The following VPS33A variants were observed in gnomAD, a reference collection of about 807,000 sequenced individuals.
The protein encoded by VPS33A is vacuolar protein sorting-associated protein 33A.
In VPS33A, 32 loss-of-function variants were observed where a neutral mutation model predicts 71.8. That is an observed-to-expected ratio of 0.45 (90% CI 0.34 to 0.60). The LOEUF is 0.60. Among genes scored for constraint, VPS33A ranks in the 20% least tolerant of loss-of-function variants. The probability of loss-of-function intolerance (pLI) is 0.02; values close to 1 mark genes in which losing one functional copy is unlikely to be tolerated. For missense variants in VPS33A, 625 were observed against 748.5 expected (o/e 0.84, Z 1.92); for synonymous variants, 311 against 292.7 (o/e 1.06, Z -0.64).
At chr12:122,264,550 C>G (rs1051599624) in intron 1 of VPS33A, among the ~76,000 whole-genome samples, 1 of 152,032 alleles carries the variant, frequency 6.6e-6, no homozygotes, top group Non-Finnish European at 1.5e-5. Flanking sequence ...ACCACCATGC[C>G]TGGCCAATTT....
rs185289906 is a variant in VPS33A, at chr12:122,252,481, C to T, written c.484-1382G>A. 3.2e-4 allele frequency among the ~76,000 whole-genome samples: 49 copies of T among 151,972 alleles called. No homozygotes were observed. In the East Asian group the frequency reaches 4.3e-3, roughly 13 times the overall value. ...GAGACGGGGTTTCACCATGTTAGCC[C>T]TGATGGTCTCGATCTCCTGACCTCG... is the stretch of plus-strand genomic sequence containing the variant. On this transcript the variant is annotated intron_variant, in intron 4 of 12. Transcript: ENST00000267199.
rs569328578 is a variant in VPS33A, at chr12:122,229,985, G to C, written c.*2261C>G. 8 of 151,946 alleles carry C rather than the reference G, an allele frequency of 5.3e-5. No individual in the cohort carries two copies. Among genetic ancestry groups the C allele is most frequent in the Non-Finnish European group, 1.2e-4 (8 of 67,968 alleles). The allele number at this position is 151,946 out of a possible 1,614,324, so 9.4% of individuals were successfully genotyped here. A position where few individuals can be genotyped will look rare whatever the true frequency, so the allele number is the denominator to read the frequency against. On this transcript the variant is annotated 3_prime_UTR_variant, in exon 13 of 13. Coordinates refer to ENST00000267199, the MANE Select transcript of VPS33A (RefSeq NM_022916.6). ...TTGACCAGACTTGAATTGAGCCCCAGGAACCAAAAAATGGAGGGGCAGGGT... is the reference window on the plus strand; with the variant it reads ...TTGACCAGACTTGAATTGAGCCCCACGAACCAAAAAATGGAGGGGCAGGGT...
At chr12:122,233,219 G>A (rs934597448) in intron 11 of VPS33A, among the ~76,000 whole-genome samples, 5 of 146,162 alleles carry the variant, frequency 3.4e-5, no homozygotes, top group Admixed American at 2.7e-4. Flanking sequence ...TATTTGGTTT[G>A]GCATGAAACT....
chr12:122,261,496 G>C, intron 3 of VPS33A, 49 bp from the exon 4 acceptor site: 1 of 1,589,580 alleles, frequency 6.3e-7, no homozygotes, highest in Non-Finnish European at 8.6e-7. Flanking sequence ...AAGAGTCATG[G>C]ACCATTTTGC....
intron 4 of VPS33A, among the ~76,000 whole-genome samples, chr12:122,252,394 A>G (rs1954857247): frequency 6.6e-6 from 1 of 151,718 alleles, no homozygotes. Flanking sequence ...TCAGCCTCCC[A>G]AGTAGCTGGG....
rs753926792 is a variant in VPS33A at position 122,232,303 on chromosome 12, G to C, written c.1734C>G (p.Thr578=). Residue 578 remains threonine (T), a synonymous_variant, in exon 13 of 13, where the codon ACC becomes ACG. Transcript: ENST00000267199. ...AACTGGTTCCATTCATTAGTTTAGT[G>C]GTGGCAATGACATATTCTGTACCTC... is the stretch of plus-strand genomic sequence containing the variant. The part of the protein sequence containing the change: ...EDGGTEYVIA[T]TKLMNGTSWI... The C allele has an allele frequency of 3.7e-6, 6 of 1,614,070 alleles. No homozygotes were observed. In the East Asian group the frequency reaches 1.1e-4, roughly 30 times the overall value.
At chr12:122,242,357 A>C in intron 8 of VPS33A, 25 bp downstream of exon 8, 2 of 1,603,148 alleles carry the variant, frequency 1.2e-6, no homozygotes, top group Non-Finnish European at 1.7e-6. Flanking sequence ...CCCAGACTGA[A>C]ACAATCATTA....
In VPS33A at chr12:122,230,969, CAG is replaced by C. The variant is rs2136118179; in HGVS notation, c.*1275_*1276del. 1 of 152,324 alleles carries C rather than the reference CAG, an allele frequency of 6.6e-6. No individual in the cohort carries two copies. The highest frequency in any genetic ancestry group is 2.1e-4 in the South Asian group (1 of 4,828). The allele number at this position is 152,324 out of a possible 1,614,324, so 9.4% of individuals were successfully genotyped here. A position where few individuals can be genotyped will look rare whatever the true frequency, so the allele number is the denominator to read the frequency against. On this transcript the variant is annotated 3_prime_UTR_variant, in exon 13 of 13. Coordinates refer to ENST00000267199, the MANE Select transcript of VPS33A (RefSeq NM_022916.6). ...GAGGTCACCAGAGAGGGGGCTGAAA[CAG>C]TGTTTTCAGCTGAGTACGGAGTGGC... is the stretch of plus-strand genomic sequence containing the variant.
rs148755571 is a variant in VPS33A at position 122,231,382 on chromosome 12, C to T, written c.*864G>A. The T allele has an allele frequency of 6.6e-6, 1 of 152,286 alleles. No homozygotes were observed. Among genetic ancestry groups the T allele is most frequent in the East Asian group, 1.9e-4 (1 of 5,194 alleles). The allele number at this position is 152,286 out of a possible 1,614,324, so 9.4% of individuals were successfully genotyped here. A position where few individuals can be genotyped will look rare whatever the true frequency, so the allele number is the denominator to read the frequency against. ...TTTGTAAGAAGTAGAAGGAAGCAAA[C>T]TTGCCTTAGTGATCAGTTGCGACAG... On this transcript the variant is annotated 3_prime_UTR_variant, in exon 13 of 13. Coordinates refer to ENST00000267199, the MANE Select transcript of VPS33A (RefSeq NM_022916.6).
chr12:122,262,295 T>C (rs1001976677), intron 3 of VPS33A, among the ~76,000 whole-genome samples: 4 of 152,172 alleles, frequency 2.6e-5, no homozygotes, highest in South Asian at 2.1e-4. Flanking sequence ...TCCTGGCGAG[T>C]ACATTTTAGC....
chr12:122,239,775 A>AAAAAAAAAAAAAAAG, intron 9 of VPS33A, 103 bp downstream of exon 9: 1 of 622,980 alleles, frequency 1.6e-6, no homozygotes, highest in East Asian at 4.2e-5. Context: ...AAAAAAAAAA[A>AAAAAAAAAAAAAAAG]AAAAGGCAAG....
chr12:122,258,693 A>G (rs1025039043), intron 4 of VPS33A, among the ~76,000 whole-genome samples: 7 of 152,066 alleles, frequency 4.6e-5, no homozygotes, highest in African/African-American at 1.7e-4. Flanking sequence ...AATTCAAAGA[A>G]TAACAGGCCA....
Position 122,238,624 on chromosome 12 carries a change from T to G in VPS33A, c.1265A>C (p.Gln422Pro). The stretch of plus-strand genomic sequence containing the variant: ...TCTTTTGTAATAATCCAAAACTTTT[T>G]GTTTGAGCCCACTATTACACACGGA... ...LQSVCNSGLK[Q>P]KVLDYYKREI... is the part of the protein sequence containing the mutation. Residue 422 changes from glutamine (Q) to proline (P), a missense_variant, in exon 10 of 13, where the codon CAA becomes CCA. Physicochemically the swap from Gln to Pro is moderately conservative, Grantham distance 76. Coordinates refer to ENST00000267199, the MANE Select transcript of VPS33A (RefSeq NM_022916.6). 1 of 1,612,616 alleles carries G rather than the reference T, an allele frequency of 6.2e-7. No homozygotes were observed. The highest frequency in any genetic ancestry group is 1.7e-4 in the Middle Eastern group (1 of 6,056).
chr12:122,263,972 C>T (rs1955033290), intron 2 of VPS33A, among the ~76,000 whole-genome samples, 162 bp downstream of exon 2: 1 of 152,170 alleles, frequency 6.6e-6, no homozygotes, highest in African/African-American at 2.4e-5. Context: ...TATAGAATCA[C>T]TGGCCAATGG....
intron 6 of VPS33A, among the ~76,000 whole-genome samples, chr12:122,245,960 T>C (rs1592918335): frequency 1.3e-5 from 2 of 152,292 alleles, no homozygotes; most frequent in East Asian, 3.9e-4. Flanking sequence ...CCAAATTCCT[T>C]AGCATGGTAT....
chr12:122,238,748 T>G, intron 9 of VPS33A, 24 bp from the exon 10 acceptor site: 1 of 1,599,376 alleles, frequency 6.3e-7, no homozygotes, highest in Non-Finnish European at 8.5e-7. Flanking sequence ...AGCATACATA[T>G]ACATATACAT....
intron 3 of VPS33A, 47 bp from the exon 4 acceptor site, chr12:122,261,494 T>C (rs754612082): frequency 8.8e-6 from 14 of 1,591,914 alleles, no homozygotes; most frequent in South Asian, 7.9e-5. Context: ...CTAAGAGTCA[T>C]GGACCATTTT....
At chr12:122,254,994 T>C (rs1954897057) in intron 4 of VPS33A, among the ~76,000 whole-genome samples, 1 of 146,658 alleles carries the variant, frequency 6.8e-6, no homozygotes, top group South Asian at 2.1e-4. Context: ...GAGGCTGCAA[T>C]GAGACGAGAT....
intron 4 of VPS33A, among the ~76,000 whole-genome samples, chr12:122,259,017 A>G (rs979914168): frequency 2.0e-5 from 3 of 151,346 alleles, no homozygotes; most frequent in African/African-American, 4.9e-5. Context: ...AGACAGAATA[A>G]TAAGTCTGTC....
Sources: allele counts gnomAD v4.1 joint callset (sites outside exome capture counted in the v4.1 genomes callset), GRCh38; gene constraint gnomAD v4.1.1; transcripts MANE v1.5; gene names NCBI Gene and HGNC (gene_info 2026-07-23, HGNC 2026-07-21).